THRA: variants seen among roughly 807,000 people sequenced by gnomAD.
THRA encodes the protein thyroid hormone receptor alpha, also known as EAR-7.
THRA carries 13 observed loss-of-function variants against 45.0 expected under a neutral mutation model. The observed-to-expected ratio is 0.29, with a 90% confidence interval of 0.19 to 0.46. The LOEUF (loss-of-function observed/expected upper bound fraction) is 0.46. Ranked by LOEUF, THRA falls within the 20% of genes least tolerant of loss-of-function variation. The probability of loss-of-function intolerance (pLI) is 1.00; values close to 1 mark genes in which losing one functional copy is unlikely to be tolerated. For synonymous variants in THRA, 195 were observed against 214.0 expected (o/e 0.91, Z 0.78); for missense variants, 278 against 556.1 (o/e 0.50, Z 5.03).
chr17:40,077,683 C>CT (rs1299214569), intron 4 of THRA, 75 bp downstream of exon 4: 1 of 1,207,752 alleles, frequency 8.3e-7, no homozygotes, highest in Non-Finnish European at 1.2e-6. Context: ...TAAAGCCCGC[C>CT]TGTTAGGTCA....
intron 4 of THRA, among the ~76,000 whole-genome samples, chr17:40,080,236 CA>C (rs568048114): frequency 2.0e-5 from 3 of 152,014 alleles, no homozygotes; most frequent in African/African-American, 7.2e-5. Context: ...CCTGTCCATA[CA>C]AAAAAATTTT....
chr17:40,078,454 C>T (rs996829915), intron 4 of THRA, among the ~76,000 whole-genome samples: 1 of 152,106 alleles, frequency 6.6e-6, no homozygotes, highest in African/African-American at 2.4e-5. Flanking sequence ...GCACTCCGGC[C>T]TGGGTGACAG....
intron 1 of THRA, among the ~76,000 whole-genome samples, chr17:40,071,546 G>A (rs750985558): frequency 1.3e-5 from 2 of 152,240 alleles, no homozygotes; most frequent in South Asian, 2.1e-4. Flanking sequence ...CAGGCCAGCC[G>A]ACAGGTGGGT....
In THRA at chr17:40,083,987, G is replaced by GC; in HGVS notation, c.370+5_370+6insC. 1.2e-6 allele frequency: 2 copies of GC among 1,609,006 alleles called. No individual in the cohort carries two copies. Among genetic ancestry groups the GC allele is most frequent in the South Asian group, 1.1e-5 (1 of 90,494 alleles). On this transcript the variant is annotated splice_donor_region_variant and intron_variant, in intron 5 of 8. Transcript: ENST00000450525. ...CCGTGGGCATGGCCATGGACTGTAA[G>GC]GGGCCCAGGTGGAGGGAATAGAGCC...
intron 1 of THRA, among the ~76,000 whole-genome samples, chr17:40,065,763 A>T (rs1986533300): frequency 9.4e-6 from 1 of 106,946 alleles, no homozygotes; most frequent in Non-Finnish European, 1.8e-5. Flanking sequence ...AGGGGCTGGG[A>T]ATGGGGGAAG....
rs1366028921 is a variant in THRA, at chr17:40,092,898, C to T, written c.*3442C>T. ...TTTAAATAGGGGAGGAGGGGAAGTT[C>T]GGTGATGGGGGAGGGAGGCAGGTAT... is the stretch of plus-strand genomic sequence containing the variant. On this transcript the variant is annotated 3_prime_UTR_variant, in exon 9 of 9. Transcript: ENST00000450525. 44 of 1,392,140 alleles carry T rather than the reference C, an allele frequency of 3.2e-5. No individual in the cohort carries two copies. The highest frequency in any genetic ancestry group is 2.6e-4 in the Middle Eastern group (1 of 3,886). 86.2% of individuals were successfully genotyped at this position (1,392,140 alleles called of 1,614,324 possible).
intron 4 of THRA, among the ~76,000 whole-genome samples, chr17:40,082,932 ATT>A (rs746083240): frequency 4.6e-5 from 5 of 107,796 alleles, no homozygotes; most frequent in Admixed American, 9.1e-5. Context: ...CGCCCGGGTA[ATT>A]TTTTTTTTTT....
intron 1 of THRA, among the ~76,000 whole-genome samples, chr17:40,067,203 C>T (rs1423993791): frequency 6.6e-6 from 1 of 152,166 alleles, no homozygotes; most frequent in East Asian, 1.9e-4. Flanking sequence ...CTCCTTTGAC[C>T]CTCGCCCTTC....
At chr17:40,076,736 C>A in intron 2 of THRA, 135 bp from the exon 3 acceptor site, 4 of 862,448 alleles carry the variant, frequency 4.6e-6, no homozygotes, top group Non-Finnish European at 7.2e-6. Flanking sequence ...TGTCAGCTGA[C>A]CCTGGGGGGT....
rs763953299 is a variant in THRA, at chr17:40,088,458, A to G, written c.940A>G (p.Thr314Ala). ...ACTCTCTGCCTTTAACCTGGATGAC[A>G]CGGAAGTGGCTCTGCTGCAGGCTGT... is the stretch of plus-strand genomic sequence containing the variant. ...KSLSAFNLDD[T>A]EVALLQAVLL... Residue 314 changes from threonine to alanine, a missense_variant, in exon 8 of 9, where the codon ACG becomes GCG. Thr to Ala is a moderately conservative substitution (Grantham distance 58, BLOSUM62 0). Transcript: ENST00000450525. The G allele has an allele frequency of 6.2e-7, 1 of 1,613,870 alleles. No individual in the cohort carries two copies. Among genetic ancestry groups the G allele is most frequent in the Admixed American group, 1.7e-5 (1 of 59,988 alleles).
intron 6 of THRA, among the ~76,000 whole-genome samples, chr17:40,086,273 G>C (rs567928386): frequency 5.3e-5 from 8 of 152,158 alleles, no homozygotes; most frequent in African/African-American, 1.9e-4. Flanking sequence ...TAACAGTCAC[G>C]AGTCAGACTG....
rs1987632377 is a variant in THRA at position 40,092,812 on chromosome 17, T to C, written c.*3356T>C. 1 of 713,006 alleles carries C rather than the reference T, an allele frequency of 1.4e-6. No individual in the cohort carries two copies. Among genetic ancestry groups the C allele is most frequent in the African/African-American group, 1.8e-5 (1 of 54,632 alleles). The allele number at this position is 713,006 out of a possible 1,614,324, so 44.2% of individuals were successfully genotyped here. A position where few individuals can be genotyped will look rare whatever the true frequency, so the allele number is the denominator to read the frequency against. On this transcript the variant is annotated 3_prime_UTR_variant, in exon 9 of 9. Coordinates refer to ENST00000450525, the MANE Select transcript of THRA (RefSeq NM_199334.5). ...GCCAGCTCAGCTGTGAACTATTGGA[T>C]TTGAGACAGGAACAGAACAAATCAG...
intron 1 of THRA, among the ~76,000 whole-genome samples, chr17:40,065,046 G>GTTTT (rs112292718): frequency 5.4e-5 from 8 of 149,248 alleles, no homozygotes; most frequent in African/African-American, 1.7e-4. Context: ...GGAATGGGCT[G>GTTTT]TTTTTTTTTT....
At chr17:40,070,025 C>T (rs1393840191) in intron 1 of THRA, among the ~76,000 whole-genome samples, 4 of 149,322 alleles carry the variant, frequency 2.7e-5, no homozygotes, top group Admixed American at 6.7e-5. Context: ...TCTTTTGGGG[C>T]GGGGTGGGGA....
In THRA at chr17:40,074,179, CTT is replaced by C; in HGVS notation, c.-297-12_-297-11del. On this transcript the variant is annotated splice_polypyrimidine_tract_variant and intron_variant, in intron 1 of 8. Coordinates refer to ENST00000450525, the MANE Select transcript of THRA (RefSeq NM_199334.5). ...GACACCTTCTTACCCCTGCCTCTCT[CTT>C]CTCTCCACAGGGATCTCTGGACAGG... 1 of 378,498 alleles carries C rather than the reference CTT, an allele frequency of 2.6e-6. No homozygotes were observed. Among genetic ancestry groups the C allele is most frequent in the East Asian group, 5.0e-5 (1 of 19,892 alleles). The allele number at this position is 378,498 out of a possible 1,614,324, so 23.4% of individuals were successfully genotyped here. A position where few individuals can be genotyped will look rare whatever the true frequency, so the allele number is the denominator to read the frequency against.
At chr17:40,088,974 C>T (rs1165279172) in intron 8 of THRA, among the ~76,000 whole-genome samples, 2 of 143,108 alleles carry the variant, frequency 1.4e-5, no homozygotes, top group African/African-American at 2.6e-5. Flanking sequence ...GTCCTCCTTG[C>T]ATTGCCCCCT....
At chr17:40,070,600 G>C (rs1986740341) in intron 1 of THRA, among the ~76,000 whole-genome samples, 1 of 152,254 alleles carries the variant, frequency 6.6e-6, no homozygotes, top group African/African-American at 2.4e-5. Flanking sequence ...TCTGGGCCAC[G>C]GTGGCCGCCC....
intron 1 of THRA, among the ~76,000 whole-genome samples, chr17:40,067,054 A>G (rs1241245712): frequency 6.6e-6 from 1 of 152,216 alleles, no homozygotes; most frequent in African/African-American, 2.4e-5. Context: ...CCTAGACATC[A>G]GTGAGACTGG....
chr17:40,093,009 G>A (rs200461239), downstream of THRA: 66 of 1,600,274 alleles, frequency 4.1e-5, no homozygotes, highest in South Asian at 5.7e-4. This position sits in a 1 kb window ranked among gnomAD's most constrained non-coding sequence, Gnocchi z 5.9. Context: ...TTTCCTTTTC[G>A]TCTCGTAAAG....
Sources: allele counts gnomAD v4.1 joint callset (sites outside exome capture counted in the v4.1 genomes callset), GRCh38; gene constraint gnomAD v4.1.1; non-coding constraint Gnocchi (gnomAD v3.1); transcripts MANE v1.5; gene names NCBI Gene and HGNC (gene_info 2026-07-23, HGNC 2026-07-21).